Variants in EDA observed in about 807,000 individuals in gnomAD.
The protein encoded by EDA is ectodysplasin A.
EDA carries 2 observed loss-of-function variants against 23.6 expected under a neutral mutation model. That is an observed-to-expected ratio of 0.08 (90% CI 0.03 to 0.27). The LOEUF is 0.27. Ranked by LOEUF, EDA falls within the 10% of genes least tolerant of loss-of-function variation. The pLI is 1.00. For synonymous variants in EDA, 131 were observed against 132.0 expected (o/e 0.99, Z 0.05); for missense variants, 229 against 324.2 (o/e 0.71, Z 2.26).
chrX:69,943,921 C>G (rs2018798780), intron 1 of EDA, among the ~76,000 whole-genome samples: 1 of 107,038 alleles, frequency 9.3e-6, no homozygotes, highest in Admixed American at 1.0e-4. Context: ...TTACCCTTTC[C>G]TCAAGCAGAA....
intron 1 of EDA, among the ~76,000 whole-genome samples, chrX:69,682,755 G>T (rs368585221): frequency 9.0e-6 from 1 of 111,358 alleles, no homozygotes; most frequent in South Asian, 3.9e-4. Flanking sequence ...CGGTATGTCA[G>T]ATGGAAACGC....
chrX:69,900,962 A>G (rs144688584), intron 1 of EDA, among the ~76,000 whole-genome samples: 14 of 111,585 alleles, frequency 1.3e-4, no homozygotes, highest in African/African-American at 4.5e-4. Flanking sequence ...ACAGTGTGGT[A>G]TCATTATATT....
At chrX:69,976,689 A>G (rs1004197284) in intron 2 of EDA, among the ~76,000 whole-genome samples, 1 of 109,897 alleles carries the variant, frequency 9.1e-6, no homozygotes, top group Non-Finnish European at 1.9e-5. Flanking sequence ...ATTTGGAGAA[A>G]ACAAGGTGGA....
intron 2 of EDA, among the ~76,000 whole-genome samples, chrX:69,970,076 A>G (rs1319894139): frequency 8.9e-6 from 1 of 111,794 alleles, no homozygotes; most frequent in Non-Finnish European, 1.9e-5. Flanking sequence ...ACTGCACTTG[A>G]ACTTGGGCAA....
chrX:69,660,033 C>T (rs770228152), intron 1 of EDA, among the ~76,000 whole-genome samples: 3 of 111,767 alleles, frequency 2.7e-5, no homozygotes, highest in Non-Finnish European at 5.6e-5. Flanking sequence ...CAGAATCATT[C>T]CACCGACCAT....
intron 1 of EDA, chrX:69,617,189 C>T: frequency 5.7e-6 from 1 of 175,832 alleles, no homozygotes; most frequent in Non-Finnish European, 1.2e-5. Flanking sequence ...ACCGCATTTT[C>T]AGCGCGGGTC....
chrX:69,713,831 T>A (rs1007761178), intron 1 of EDA, among the ~76,000 whole-genome samples: 2 of 111,584 alleles, frequency 1.8e-5, no homozygotes, highest in Non-Finnish European at 3.8e-5. Flanking sequence ...CATGAACATT[T>A]GTGTGTAGGT....
Position 69,710,456 on chromosome X carries a change from G to T in EDA, c.396+93752G>T, listed in dbSNP as rs1249491783. Among the ~76,000 whole-genome samples the T allele has an allele frequency of 8.1e-5, 9 of 111,357 alleles. No individual in the cohort carries two copies. In the East Asian group the frequency reaches 8.5e-4, roughly 10 times the overall value. ...ATGCCTCCAGCTTTGTTCTTTTGGC[G>T]TAGGATTGACTTGGCAATGCGGGCT... On this transcript the variant is annotated intron_variant, in intron 1 of 7. Coordinates refer to ENST00000374552, the MANE Select transcript of EDA (RefSeq NM_001399.5).
intron 1 of EDA, among the ~76,000 whole-genome samples, chrX:69,731,901 T>C (rs990639144): frequency 2.7e-5 from 3 of 111,786 alleles, no homozygotes; most frequent in East Asian, 2.8e-4. Flanking sequence ...AGATTTTTCA[T>C]AGATGCTCTT....
chrX:69,661,890 A>G (rs1602264243), intron 1 of EDA, among the ~76,000 whole-genome samples: 1 of 112,261 alleles, frequency 8.9e-6, no homozygotes, highest in East Asian at 2.8e-4. Context: ...TGGGATACAT[A>G]TACATAGTAA....
intron 1 of EDA, among the ~76,000 whole-genome samples, chrX:69,667,270 G>A (rs776414689): frequency 4.6e-5 from 5 of 107,699 alleles, no homozygotes; most frequent in East Asian, 2.9e-4. Context: ...CCACCACCAC[G>A]CCCAGCTAAT....
chrX:69,734,518 G>A (rs1239421165), intron 1 of EDA, among the ~76,000 whole-genome samples: 1 of 111,501 alleles, frequency 9.0e-6, no homozygotes, highest in East Asian at 2.8e-4. Flanking sequence ...CAGTAGGGAG[G>A]TTAGATGACT....
At chrX:69,852,368 A>G (rs1419946763) in intron 1 of EDA, among the ~76,000 whole-genome samples, 2 of 111,851 alleles carry the variant, frequency 1.8e-5, no homozygotes, top group Non-Finnish European at 3.8e-5. Flanking sequence ...ACCTCAGGTG[A>G]TCCACCCACC....
chrX:69,907,457 A>G (rs1383927881), intron 1 of EDA, among the ~76,000 whole-genome samples: 1 of 111,696 alleles, frequency 9.0e-6, no homozygotes, highest in Non-Finnish European at 1.9e-5. Flanking sequence ...GCCTCTACAC[A>G]TGGTGTCATT....
intron 1 of EDA, among the ~76,000 whole-genome samples, chrX:69,755,999 C>T (rs1416485773): frequency 8.9e-6 from 1 of 112,170 alleles, no homozygotes; most frequent in African/African-American, 3.2e-5. Flanking sequence ...AATTCCCCAA[C>T]CCCTTGAGCT....
At chrX:69,917,387 C>T (rs1027004575) in intron 1 of EDA, among the ~76,000 whole-genome samples, 10 of 112,309 alleles carry the variant, frequency 8.9e-5, no homozygotes, top group Admixed American at 8.5e-4. Flanking sequence ...TTTCTACTTA[C>T]AGAAAATAGG....
chrX:69,990,267 G>A (rs1188022689), intron 2 of EDA, among the ~76,000 whole-genome samples: 1 of 110,865 alleles, frequency 9.0e-6, no homozygotes, highest in Non-Finnish European at 1.9e-5. Flanking sequence ...TGGTAGAAGT[G>A]GAAGTGTAGG....
intron 2 of EDA, among the ~76,000 whole-genome samples, chrX:69,995,382 A>G (rs769514790): frequency 4.4e-4 from 49 of 112,485 alleles, no homozygotes; most frequent in African/African-American, 1.5e-3. Flanking sequence ...GGAAGTTTTC[A>G]TATATAGCTC....
intron 1 of EDA, among the ~76,000 whole-genome samples, chrX:69,719,711 G>A (rs1055344964): frequency 3.4e-5 from 3 of 87,668 alleles, no homozygotes; most frequent in Non-Finnish European, 7.5e-5. Context: ...GGAGTATTCC[G>A]TTATACACAC....
Sources: allele counts gnomAD v4.1 joint callset (sites outside exome capture counted in the v4.1 genomes callset), GRCh38; gene constraint gnomAD v4.1.1; transcripts MANE v1.5; gene names NCBI Gene and HGNC (gene_info 2026-07-23, HGNC 2026-07-21).